The following VTI1A variants were observed in gnomAD, a reference collection of about 807,000 sequenced individuals.
VTI1A encodes vesicle transport through interaction with t-SNAREs homolog 1A.
A neutral mutation model predicts 34.9 loss-of-function variants in VTI1A; 22 were observed. The observed-to-expected ratio is 0.63, with a 90% CI of 0.45 to 0.90. The LOEUF (loss-of-function observed/expected upper bound fraction) is 0.90, where lower values mean the gene tolerates loss of function less well. Ranked by LOEUF, VTI1A falls within the 40% of genes least tolerant of loss-of-function variation. The pLI is 0.00. For synonymous variants in VTI1A, 87 were observed against 97.3 expected, an observed-to-expected ratio of 0.89 and a Z score of 0.62; for missense variants, 268 against 275.6, an observed-to-expected ratio of 0.97 and a Z score of 0.20.
chr10:112,845,558 G>C, the VTI1A span, among the ~76,000 whole-genome samples: 1 of 152,156 alleles, frequency 6.6e-6, no homozygotes, highest in African/African-American at 2.4e-5. Context: ...ACCCACAAAC[G>C]GGAGAAGCGG....
chr10:112,682,007 C>T (rs570687300), intron 7 of VTI1A, among the ~76,000 whole-genome samples: 89 of 152,252 alleles, frequency 5.8e-4, no homozygotes, highest in Non-Finnish European at 1.1e-3. Context: ...GAAAAGCATT[C>T]ATTTTCTATT....
At position 112,815,556 on chromosome 10, in the gene VTI1A, C is replaced by A; in HGVS notation, c.*173C>A. On this transcript the variant is annotated 3_prime_UTR_variant, in exon 8 of 8. Transcript: ENST00000393077. ...TAAAAATATTTTCTATTCCTGTTTG[C>A]ATGTGGGTTGGTTTCCTTTTCGAGG... is the stretch of plus-strand genomic sequence containing the variant. The A allele has an allele frequency of 1.7e-6, 1 of 604,114 alleles. No homozygotes were observed. Among genetic ancestry groups the A allele is most frequent in the Non-Finnish European group, 2.9e-6 (1 of 340,410 alleles). The allele number at this position is 604,114 out of a possible 1,614,324, so 37.4% of individuals were successfully genotyped here. A position where few individuals can be genotyped will look rare whatever the true frequency, so the allele number is the denominator to read the frequency against.
intron 3 of VTI1A, among the ~76,000 whole-genome samples, chr10:112,480,701 A>G (rs1372463021): frequency 6.6e-6 from 1 of 152,158 alleles, no homozygotes; most frequent in Non-Finnish European, 1.5e-5. Context: ...GGGGAGGGAT[A>G]GTGGAAGGGA....
chr10:112,809,104 G>A (rs74330829), intron 7 of VTI1A, among the ~76,000 whole-genome samples: 5 of 152,130 alleles, frequency 3.3e-5, no homozygotes, highest in African/African-American at 4.8e-5. Context: ...GAATTCTCGC[G>A]ATGGGGCTGA....
intron 5 of VTI1A, among the ~76,000 whole-genome samples, chr10:112,628,654 T>A (rs17129916): frequency 0.044 from 6,774 of 152,306 alleles, 316 homozygotes; most frequent in East Asian, 0.16. Flanking sequence ...TTTTATAATG[T>A]CTGTTCTCCT....
chr10:112,697,964 T>C (rs1408348150), intron 7 of VTI1A, among the ~76,000 whole-genome samples: 1 of 151,960 alleles, frequency 6.6e-6, no homozygotes, highest in Non-Finnish European at 1.5e-5. Flanking sequence ...TTTTGTCTAC[T>C]TTTATTCTTT....
intron 3 of VTI1A, among the ~76,000 whole-genome samples, chr10:112,502,354 C>G (rs959844742): frequency 6.6e-6 from 1 of 152,056 alleles, no homozygotes; most frequent in Non-Finnish European, 1.5e-5. Context: ...TTTAAATCTA[C>G]TATAATTTTT....
chr10:112,462,547 G>T (rs9971143), intron 2 of VTI1A, among the ~76,000 whole-genome samples: 1 of 152,070 alleles, frequency 6.6e-6, no homozygotes, highest in Non-Finnish European at 1.5e-5. Context: ...ATCTCAGAGA[G>T]TTATTTTAAA....
At chr10:112,575,376 A>G (rs1325281815) in intron 5 of VTI1A, among the ~76,000 whole-genome samples, 1 of 152,228 alleles carries the variant, frequency 6.6e-6, no homozygotes, top group African/African-American at 2.4e-5. Context: ...AGCTGTTTTC[A>G]TAAATGTACA....
chr10:112,761,120 T>C (rs6585185), intron 7 of VTI1A, among the ~76,000 whole-genome samples: 59,854 of 151,930 alleles, frequency 0.39, 12,119 homozygotes, highest in East Asian at 0.54. Context: ...ATGCATACCA[T>C]GGACTGTATG....
intron 5 of VTI1A, among the ~76,000 whole-genome samples, chr10:112,546,694 A>AT (rs1415515496): frequency 6.6e-6 from 1 of 152,134 alleles, no homozygotes; most frequent in East Asian, 1.9e-4. Flanking sequence ...AAAAAGAGGC[A>AT]TATTCATCAC....
At chr10:112,838,540 A>C in the VTI1A span, among the ~76,000 whole-genome samples, 1 of 152,156 alleles carries the variant, frequency 6.6e-6, no homozygotes, top group South Asian at 2.1e-4. Context: ...TTTTATTGAA[A>C]GCATCAGGAC....
At chr10:112,814,736 G>A (rs1245995473) in intron 7 of VTI1A, among the ~76,000 whole-genome samples, 1 of 152,132 alleles carries the variant, frequency 6.6e-6, no homozygotes, top group Non-Finnish European at 1.5e-5. Flanking sequence ...CGGAGCGTGA[G>A]CCACACTGAC....
intron 3 of VTI1A, among the ~76,000 whole-genome samples, chr10:112,478,190 G>A (rs941632409): frequency 3.3e-5 from 5 of 152,118 alleles, no homozygotes; most frequent in African/African-American, 1.2e-4. Context: ...GTGTGCAAGC[G>A]AAATTTGACC....
At chr10:112,601,275 T>G (rs1288064049) in intron 5 of VTI1A, among the ~76,000 whole-genome samples, 1 of 152,066 alleles carries the variant, frequency 6.6e-6, no homozygotes. Context: ...TAAAGAAAGA[T>G]ATTGACCACA....
At chr10:112,537,781 A>G (rs1246219903) in intron 4 of VTI1A, among the ~76,000 whole-genome samples, 3 of 152,184 alleles carry the variant, frequency 2.0e-5, no homozygotes, top group Non-Finnish European at 4.4e-5. Flanking sequence ...ATCCAAAATT[A>G]TGGATCATTT....
intron 5 of VTI1A, among the ~76,000 whole-genome samples, chr10:112,569,311 C>T (rs908466708): frequency 1.3e-5 from 2 of 152,110 alleles, no homozygotes; most frequent in Non-Finnish European, 2.9e-5. Context: ...AATTATCTTA[C>T]GGGGTAAGTA....
At position 112,811,712 on chromosome 10, in the gene VTI1A, A is replaced by AAT. The variant is rs67154330; in HGVS notation, c.561-3578_561-3577insAT. Among the ~76,000 whole-genome samples, 192 of 83,986 alleles carry AAT rather than the reference A, an allele frequency of 2.3e-3. 66 individuals carry two copies. Among genetic ancestry groups the AAT allele is most frequent in the Middle Eastern group, 8.6e-3 (1 of 116 alleles). The allele number at this position is 83,986 out of a possible 152,430, so 55.1% of individuals were successfully genotyped here. Reference sequence around the variant, plus strand: ...AAAAAAAAAAAAAAAAAAAAAAAAAAGAGTGCAGTCCATGCCTGGAAGTAG... The same window carrying AAT: ...AAAAAAAAAAAAAAAAAAAAAAAAAAATGAGTGCAGTCCATGCCTGGAAGTAG... On this transcript the variant is annotated intron_variant, in intron 7 of 7. Transcript: ENST00000393077.
chr10:112,737,901 A>G, intron 7 of VTI1A: 4 of 1,062,282 alleles, frequency 3.8e-6, no homozygotes, highest in Non-Finnish European at 4.6e-6. Flanking sequence ...AGCGAGTGTG[A>G]GGGAGAGAGC....
Sources: gnomAD v4.1 joint callset for allele counts (sites outside exome capture counted in the v4.1 genomes callset) on GRCh38, gnomAD v4.1.1 for gene constraint, MANE v1.5 for transcripts, NCBI Gene and HGNC (gene_info 2026-07-23, HGNC 2026-07-21) for gene names.